CFAP251: variants seen among roughly 807,000 people sequenced by gnomAD.
CFAP251 encodes the protein cilia- and flagella-associated protein 251.
A neutral mutation model predicts 126.7 loss-of-function variants in CFAP251; 93 were observed. The ratio of observed to expected loss-of-function variants is 0.73; its 90% confidence interval spans 0.62 to 0.87. The LOEUF (loss-of-function observed/expected upper bound fraction) is 0.87, where lower values mean the gene tolerates loss of function less well. CFAP251 is among the 40% of genes least tolerant of loss of function. The probability of loss-of-function intolerance (pLI) is 0.00; values close to 1 mark genes in which losing one functional copy is unlikely to be tolerated. For missense variants in CFAP251, 1,287 were observed against 1,389.2 expected (o/e 0.93, Z 1.17); for synonymous variants, 503 against 506.9 (o/e 0.99, Z 0.10).
chr12:121,945,060 G>A (rs1881265115), intron 7 of CFAP251, among the ~76,000 whole-genome samples: 1 of 152,188 alleles, frequency 6.6e-6, no homozygotes, highest in Non-Finnish European at 1.5e-5. Context: ...TGGGATTACA[G>A]GCGTGAGCCA....
At chr12:121,919,920 G>A (rs897634195) in intron 1 of CFAP251, among the ~76,000 whole-genome samples, 7 of 152,100 alleles carry the variant, frequency 4.6e-5, no homozygotes, top group East Asian at 1.9e-4. Flanking sequence ...GATGGCTCAC[G>A]CCTGTAATCC....
rs1244805048 is a variant in CFAP251, at chr12:121,967,000, A to C, written c.2538A>C (p.Thr846=). The C allele has an allele frequency of 1.2e-6, 2 of 1,614,132 alleles. No homozygotes were observed. The highest frequency in any genetic ancestry group is 2.7e-5 in the African/African-American group (2 of 74,952). The change falls in exon 16 of 22, where the codon ACA becomes ACC. Residue 846 remains threonine, a synonymous_variant. Coordinates refer to ENST00000288912, the MANE Select transcript of CFAP251 (RefSeq NM_144668.6). ...GPAYGSPIEQ[T]QVLPVRSMAE... ...CTTATGGTTCCCCTATTGAGCAGAC[A>C]CAAGTCCTCCCAGTGAGAAGCATGG... is the stretch of plus-strand genomic sequence containing the variant.
chr12:121,942,483 G>A (rs1455918338), intron 5 of CFAP251, 51 bp from the exon 6 acceptor site: 2 of 1,397,006 alleles, frequency 1.4e-6, no homozygotes, highest in South Asian at 1.2e-5. Context: ...GGACTCTCTG[G>A]GAAGCCAGGG....
chr12:121,943,947 C>A (rs1029203287), intron 7 of CFAP251, among the ~76,000 whole-genome samples: 1 of 152,146 alleles, frequency 6.6e-6, no homozygotes, highest in African/African-American at 2.4e-5. Context: ...GGCAGTCTTT[C>A]TTATTCTAGA....
intron 18 of CFAP251, 26 bp from the exon 19 acceptor site, chr12:121,975,516 T>C (rs1329501146): frequency 1.2e-6 from 2 of 1,604,428 alleles, no homozygotes; most frequent in African/African-American, 2.7e-5. Flanking sequence ...AAATGTGTGT[T>C]GTGTTTCCGT....
chr12:121,988,285 A>G (rs1359018884), intron 19 of CFAP251, among the ~76,000 whole-genome samples: 1 of 152,236 alleles, frequency 6.6e-6, no homozygotes, highest in East Asian at 1.9e-4. Flanking sequence ...GATGCAGTTC[A>G]TTGGTTTTTA....
chr12:121,940,222 C>T (rs574900148), intron 5 of CFAP251, among the ~76,000 whole-genome samples: 26 of 152,308 alleles, frequency 1.7e-4, no homozygotes, highest in Non-Finnish European at 2.2e-4. Flanking sequence ...AACAAATTCT[C>T]TTATCACAAA....
At position 121,986,637 on chromosome 12, in the gene CFAP251, C is replaced by T. The variant is rs77754214; in HGVS notation, c.3006+10952C>T. Among the ~76,000 whole-genome samples the T allele has an allele frequency of 2.2e-3, 321 of 149,220 alleles. 4 individuals are homozygous for T. In the East Asian group the frequency reaches 0.036, roughly 17 times the overall value. ...TTTAATTGCTGGATGTAGTGGCTCACGCCTGAAGTCCCAGCTACTCAGGAG... is the reference window on the plus strand; with the variant it reads ...TTTAATTGCTGGATGTAGTGGCTCATGCCTGAAGTCCCAGCTACTCAGGAG... On this transcript the variant is annotated intron_variant, in intron 19 of 21. Coordinates refer to ENST00000288912, the MANE Select transcript of CFAP251 (RefSeq NM_144668.6).
intron 19 of CFAP251, among the ~76,000 whole-genome samples, chr12:121,993,747 G>A (rs1882941049): frequency 6.6e-6 from 1 of 151,390 alleles, no homozygotes; most frequent in African/African-American, 2.4e-5. Context: ...CCCCGTCTGA[G>A]AAGTGAGGAG....
chr12:121,921,225 A>G, intron 1 of CFAP251, 61 bp from the exon 2 acceptor site: 1 of 1,503,336 alleles, frequency 6.7e-7, no homozygotes, highest in Non-Finnish European at 8.9e-7. Context: ...AGGTTAGTGC[A>G]CTAGGAGATG....
At position 121,974,353 on chromosome 12, in the gene CFAP251, A is replaced by G. The variant is rs550390188; in HGVS notation, c.2772-891A>G. The stretch of plus-strand genomic sequence containing the variant: ...TTTATCAGCAGCATGAAAACAGACT[A>G]GAATACCGTGTCTGCGTTTATTTAT... On this transcript the variant is annotated intron_variant, in intron 17 of 21. Transcript: ENST00000288912. This position sits in a 1 kb window ranked among gnomAD's most constrained non-coding sequence, Gnocchi z 4.6. Among the ~76,000 whole-genome samples the G allele has an allele frequency of 3.9e-5, 6 of 152,328 alleles. No homozygotes were observed.
At chr12:121,947,617 A>AT (rs1260096547) in intron 7 of CFAP251, 3 of 152,072 alleles carry the variant, frequency 2.0e-5, no homozygotes, top group Non-Finnish European at 4.4e-5. Flanking sequence ...ATGCCTGGCT[A>AT]TTTTTTACTG....
rs1173787392 is a variant in CFAP251 at position 121,958,460 on chromosome 12, A to G, written c.1919A>G (p.Tyr640Cys). 5 of 1,614,126 alleles carry G rather than the reference A, an allele frequency of 3.1e-6. No homozygotes were observed. The highest frequency in any genetic ancestry group is 2.2e-5 in the East Asian group (1 of 44,896). Residue 640 changes from tyrosine (Y) to cysteine (C), a missense_variant, in exon 12 of 22, where the codon TAT (tyrosine) becomes TGT (cysteine). Physicochemically the swap from Tyr to Cys is radical, Grantham distance 194 (BLOSUM62 -2). Coordinates refer to ENST00000288912, the MANE Select transcript of CFAP251 (RefSeq NM_144668.6). Reference sequence around the variant, plus strand: ...GTGTGGAATTATGAAAACAAACAATATCTTTTCAGCAGGGTTTTTGAGAAG... The same window carrying G: ...GTGTGGAATTATGAAAACAAACAATGTCTTTTCAGCAGGGTTTTTGAGAAG... ...IKVWNYENKQ[Y>C]LFSRVFEKGL...
In CFAP251 at chr12:121,974,266, A is replaced by G. The variant is rs1387872310; in HGVS notation, c.2772-978A>G. 6.6e-6 allele frequency among the ~76,000 whole-genome samples: 1 copy of G among 152,182 alleles called. No homozygotes were observed. Among genetic ancestry groups the G allele is most frequent in the Non-Finnish European group, 1.5e-5 (1 of 68,034 alleles). On this transcript the variant is annotated intron_variant, in intron 17 of 21. Transcript: ENST00000288912. This position sits in a 1 kb window ranked among gnomAD's most constrained non-coding sequence, Gnocchi z 4.6. ...CCATAATTGTGAGTCCTCCCCAGCC[A>G]TGTGAAACCGTAAGTCCAATAAACC... is the stretch of plus-strand genomic sequence containing the variant.
chr12:121,959,047 G>A lies in CFAP251; in HGVS notation c.2086G>A (p.Val696Met), dbSNP rs1881833889. 1.2e-6 allele frequency: 2 copies of A among 1,612,110 alleles called. No individual in the cohort carries two copies. Among genetic ancestry groups the A allele is most frequent in the Non-Finnish European group, 1.7e-6 (2 of 1,179,512 alleles). ...PEPFKYSRTSVTHISFSHDSQ... is the reference protein window; with the variant it reads ...PEPFKYSRTSMTHISFSHDSQ... Reference sequence around the variant, plus strand: ...GCCTTTCAAATATTCCAGAACCAGTGTGACTCATATAAGCTTTTCCCATGA... The same window carrying A: ...GCCTTTCAAATATTCCAGAACCAGTATGACTCATATAAGCTTTTCCCATGA... The change falls in exon 13 of 22, where the codon GTG (valine) becomes ATG (methionine). Residue 696 changes from valine (V) to methionine (M), a missense_variant. Physicochemically the swap from Val to Met is conservative, Grantham distance 21 (BLOSUM62 1). Coordinates refer to ENST00000288912, the MANE Select transcript of CFAP251 (RefSeq NM_144668.6).
Position 121,975,265 on chromosome 12 carries a change from T to A in CFAP251, c.2793T>A (p.Ser931=). ...CCAGTGTCCTGGAGGCAGCGGTTTC[T>A]CTTGGGGGTGAAGACTTGACCCCAT... is the stretch of plus-strand genomic sequence containing the variant. ...ITLSVLEAAV[S]LGGEDLTPFY... Residue 931 remains serine (S), a synonymous_variant, in exon 18 of 22, where the codon TCT becomes TCA. Transcript: ENST00000288912. 1 of 1,614,108 alleles carries A rather than the reference T, an allele frequency of 6.2e-7. No homozygotes were observed.
At chr12:121,920,824 G>A (rs1880138509) in intron 1 of CFAP251, among the ~76,000 whole-genome samples, 1 of 151,936 alleles carries the variant, frequency 6.6e-6, no homozygotes, top group African/African-American at 2.4e-5. Flanking sequence ...GAGCCACTGT[G>A]CCTGGCCAGA....
At chr12:121,928,705 T>TACGTATATATATATATATA (rs370530855) in intron 3 of CFAP251, among the ~76,000 whole-genome samples, 39 of 48,288 alleles carry the variant, frequency 8.1e-4, no homozygotes, top group African/African-American at 1.8e-3. Flanking sequence ...TATATATATA[T>TACGTATATATATATATATA]TTTTTTTTTG....
intron 19 of CFAP251, chr12:121,997,442 C>A (rs1240802380): frequency 6.6e-6 from 1 of 150,630 alleles, no homozygotes; most frequent in Non-Finnish European, 1.5e-5. Flanking sequence ...ATGGCTCACT[C>A]CTGCATCCCT....
Sources: allele counts gnomAD v4.1 joint callset (sites outside exome capture counted in the v4.1 genomes callset), GRCh38; gene constraint gnomAD v4.1.1; non-coding constraint Gnocchi (gnomAD v3.1); transcripts MANE v1.5; gene names NCBI Gene and HGNC (gene_info 2026-07-23, HGNC 2026-07-21).